SGCZ: variants seen among roughly 807,000 people sequenced by gnomAD.
SGCZ encodes the protein zeta-sarcoglycan.
A neutral mutation model predicts 41.3 loss-of-function variants in SGCZ; 40 were observed. The observed-to-expected ratio is 0.97, with a 90% confidence interval of 0.75 to 1.26. The LOEUF is 1.26. Among genes scored for constraint, SGCZ ranks in the 50% most tolerant of loss-of-function variants. SGCZ has a pLI of 0.00. For synonymous variants in SGCZ, 206 were observed against 137.5 expected, an observed-to-expected ratio of 1.50 and a Z score of -3.49; for missense variants, 552 against 369.8, an observed-to-expected ratio of 1.49 and a Z score of -4.04.
At chr8:14,878,893 T>G (rs952983097) in intron 1 of SGCZ, among the ~76,000 whole-genome samples, 6 of 152,124 alleles carry the variant, frequency 3.9e-5, no homozygotes, top group African/African-American at 1.4e-4. Context: ...AGCAGTACTG[T>G]GGAAGGTTCT....
At chr8:15,235,311 A>G (rs1299982391) in intron 1 of SGCZ, among the ~76,000 whole-genome samples, 2 of 152,224 alleles carry the variant, frequency 1.3e-5, no homozygotes, top group African/African-American at 4.8e-5. Context: ...CTGCCAACAT[A>G]AATTTATTCC....
intron 2 of SGCZ, among the ~76,000 whole-genome samples, chr8:14,433,931 A>T (rs1309773025): frequency 6.6e-6 from 1 of 151,922 alleles, no homozygotes; most frequent in East Asian, 1.9e-4. Context: ...ATTTTCAGTG[A>T]TCAAGAATTA....
chr8:14,146,421 T>C (rs1563152755), intron 5 of SGCZ, among the ~76,000 whole-genome samples: 1 of 152,178 alleles, frequency 6.6e-6, no homozygotes, highest in East Asian at 1.9e-4. Flanking sequence ...ATCAGCTCTG[T>C]CTTAGAAGAA....
At chr8:15,161,313 A>G (rs970343703) in intron 1 of SGCZ, among the ~76,000 whole-genome samples, 2 of 152,118 alleles carry the variant, frequency 1.3e-5, no homozygotes, top group African/African-American at 4.8e-5. Context: ...CCAGGTAACC[A>G]TATTTAAAAT....
rs1022185633 is a variant in SGCZ, at chr8:14,783,568, A to C, written c.40-228642T>G. 3.3e-5 allele frequency among the ~76,000 whole-genome samples: 5 copies of C among 149,914 alleles called. No homozygotes were observed. In the East Asian group the frequency reaches 7.7e-4, roughly 23 times the overall value. On this transcript the variant is annotated intron_variant, in intron 1 of 7. Coordinates refer to ENST00000382080, the MANE Select transcript of SGCZ (RefSeq NM_139167.4). ...GAAAACAAAAATTTAAAATAACTAT[A>C]ACATAATAATTTTTTTTTCCTTCAG...
chr8:14,289,611 C>T (rs1585324376), intron 3 of SGCZ, among the ~76,000 whole-genome samples: 1 of 151,946 alleles, frequency 6.6e-6, no homozygotes, highest in Non-Finnish European at 1.5e-5. Context: ...CAGTAACATG[C>T]TATTTTGGTC....
intron 1 of SGCZ, among the ~76,000 whole-genome samples, chr8:14,703,439 G>A (rs898100207): frequency 4.6e-5 from 7 of 151,892 alleles, no homozygotes; most frequent in African/African-American, 1.7e-4. Flanking sequence ...CCATATGAGA[G>A]ATTTCCCTAT....
chr8:14,682,206 G>A (rs1213527846), intron 1 of SGCZ, among the ~76,000 whole-genome samples: 1 of 152,034 alleles, frequency 6.6e-6, no homozygotes, highest in Non-Finnish European at 1.5e-5. Flanking sequence ...AAATACAATG[G>A]GAAATACAGG....
chr8:14,885,916 A>C (rs1804771691), intron 1 of SGCZ, among the ~76,000 whole-genome samples: 1 of 148,236 alleles, frequency 6.7e-6, no homozygotes, highest in Non-Finnish European at 1.5e-5. Context: ...CTTAATACCT[A>C]GATTGATCTG....
chr8:14,128,651 G>A (rs915041879), intron 5 of SGCZ, among the ~76,000 whole-genome samples: 4 of 152,132 alleles, frequency 2.6e-5, no homozygotes, highest in Non-Finnish European at 2.9e-5. Flanking sequence ...ATCAACCTAA[G>A]TGTCCATCAG....
At chr8:14,228,847 T>G (rs930292055) in intron 4 of SGCZ, among the ~76,000 whole-genome samples, 1 of 152,134 alleles carries the variant, frequency 6.6e-6, no homozygotes, top group Non-Finnish European at 1.5e-5. Flanking sequence ...AAGGAAAAAT[T>G]TCAAAGATAT....
chr8:14,505,843 T>C (rs1802289212), intron 2 of SGCZ, among the ~76,000 whole-genome samples: 1 of 152,112 alleles, frequency 6.6e-6, no homozygotes, highest in Non-Finnish European at 1.5e-5. Flanking sequence ...CCCCATCGTA[T>C]ACTTAATAAA....
intron 1 of SGCZ, among the ~76,000 whole-genome samples, chr8:15,125,990 A>G (rs1807665917): frequency 6.6e-6 from 1 of 152,290 alleles, no homozygotes; most frequent in Admixed American, 6.5e-5. Context: ...CACTAAAAAT[A>G]CAAAAATTAG....
At chr8:14,404,603 T>A (rs1799161697) in intron 2 of SGCZ, among the ~76,000 whole-genome samples, 1 of 152,192 alleles carries the variant, frequency 6.6e-6, no homozygotes, top group African/African-American at 2.4e-5. Flanking sequence ...TCTACCTGAT[T>A]GGGTGACACT....
At chr8:14,541,477 T>C (rs1229518410) in intron 2 of SGCZ, among the ~76,000 whole-genome samples, 1 of 152,074 alleles carries the variant, frequency 6.6e-6, no homozygotes, top group Admixed American at 6.6e-5. Flanking sequence ...ATGAACTCAT[T>C]CTTTTTTATG....
chr8:14,430,662 C>A (rs1308580481), intron 2 of SGCZ, among the ~76,000 whole-genome samples: 1 of 152,226 alleles, frequency 6.6e-6, no homozygotes, highest in Non-Finnish European at 1.5e-5. Context: ...TCTCGCCACT[C>A]CTCTTCAACA....
chr8:14,740,038 G>T (rs2244122), intron 1 of SGCZ, among the ~76,000 whole-genome samples: 70,400 of 151,680 alleles, frequency 0.46, 17,009 homozygotes, highest in Non-Finnish European at 0.54. Context: ...TCTTTATTCT[G>T]TGGGGATGGG....
intron 1 of SGCZ, among the ~76,000 whole-genome samples, chr8:14,924,575 T>C (rs1799687744): frequency 6.6e-6 from 1 of 152,154 alleles, no homozygotes; most frequent in Non-Finnish European, 1.5e-5. Flanking sequence ...CATCAGAAGC[T>C]TATCCACATA....
At chr8:15,071,467 T>C (rs1194376482) in intron 1 of SGCZ, among the ~76,000 whole-genome samples, 2 of 152,188 alleles carry the variant, frequency 1.3e-5, no homozygotes, top group Non-Finnish European at 2.9e-5. Flanking sequence ...TACTTAAAGT[T>C]TCCTGTGTAA....
Sources: allele counts gnomAD v4.1 joint callset (sites outside exome capture counted in the v4.1 genomes callset), GRCh38; gene constraint gnomAD v4.1.1; transcripts MANE v1.5; gene names NCBI Gene and HGNC (gene_info 2026-07-23, HGNC 2026-07-21).